Variants in CBLIF observed in about 807,000 individuals in gnomAD.
The protein encoded by CBLIF is gastric intrinsic factor (vitamin B synthesis).
In CBLIF, 24 loss-of-function variants were observed where a neutral mutation model predicts 44.9. That is an observed-to-expected ratio of 0.53 (90% confidence interval 0.39 to 0.75). The LOEUF (loss-of-function observed/expected upper bound fraction) is 0.75, where lower values mean the gene tolerates loss of function less well. CBLIF is among the 30% of genes least tolerant of loss of function. CBLIF has a pLI of 0.00. For missense variants in CBLIF, 481 were observed against 513.0 expected (o/e 0.94, Z 0.60); for synonymous variants, 183 against 190.9 (o/e 0.96, Z 0.34).
chr11:59,843,980 T>C lies in CBLIF; in HGVS notation c.155A>G (p.Tyr52Cys), dbSNP rs1343354774. The C allele has an allele frequency of 1.2e-6, 2 of 1,613,314 alleles. No individual in the cohort carries two copies. The highest frequency in any genetic ancestry group is 1.3e-5 in the African/African-American group (1 of 74,840). ...LMENSVTSSA[Y>C]PNPSILIAMN... is the part of the protein sequence containing the mutation. ...GGCAATCAGGATGCTGGGGTTTGGG[T>C]AGGCTGATGAAGTCACCGAGTTCTC... The change falls in exon 2 of 9, where the codon TAC (tyrosine) becomes TGC (cysteine). Residue 52 changes from tyrosine to cysteine, a missense_variant. By Grantham distance (194) the Tyr-to-Cys change is radical (BLOSUM62 -2). Coordinates refer to ENST00000257248, the MANE Select transcript of CBLIF (RefSeq NM_005142.3).
rs757808228 is a variant in CBLIF at position 59,844,330 on chromosome 11, G to A, written c.80-275C>T. ...TTTTTGTATTTTTAGTAGAGATGGGGTTTCACCATGTTGGCCAGGGTAGTC... is the reference window on the plus strand; with the variant it reads ...TTTTTGTATTTTTAGTAGAGATGGGATTTCACCATGTTGGCCAGGGTAGTC... On this transcript the variant is annotated intron_variant, in intron 1 of 8. Transcript: ENST00000257248. Among the ~76,000 whole-genome samples, 36 of 152,020 alleles carry A rather than the reference G, an allele frequency of 2.4e-4. 1 individual carries two copies. Among genetic ancestry groups the A allele is most frequent in the Non-Finnish European group, 4.4e-4 (30 of 67,998 alleles).
In CBLIF at chr11:59,837,365, CAG is replaced by C; in HGVS notation, c.694-16_694-15del. Reference sequence around the variant, plus strand: ...TACAGAGAGAGCCTGGGAAGGAAGACAGAAAGAGAGAGAAAGAGTAATTAGGC... The same window carrying C: ...TACAGAGAGAGCCTGGGAAGGAAGACAAAGAGAGAGAAAGAGTAATTAGGC... On this transcript the variant is annotated splice_polypyrimidine_tract_variant and intron_variant, in intron 5 of 8. Transcript: ENST00000257248. 6.2e-7 allele frequency: 1 copy of C among 1,603,652 alleles called. No individual in the cohort carries two copies. The highest frequency in any genetic ancestry group is 1.7e-5 in the Admixed American group (1 of 59,988).
intron 8 of CBLIF, 24 bp downstream of exon 8, chr11:59,831,654 C>A (rs183565729): frequency 1.0e-6 from 1 of 959,280 alleles, no homozygotes; most frequent in South Asian, 1.3e-5. Context: ...TGGAAGATAA[C>A]GCCTATGTCT....
chr11:59,836,073 C>A, intron 6 of CBLIF, 64 bp from the exon 7 acceptor site: 1 of 1,307,490 alleles, frequency 7.6e-7, no homozygotes, highest in Non-Finnish European at 1.1e-6. Context: ...GGTGCAAAAT[C>A]TCTGTTATTG....
In CBLIF at chr11:59,831,702, TA is replaced by T; in HGVS notation, c.1167del (p.Ser390ValfsTer3). 6.4e-7 allele frequency: 1 copy of T among 1,566,278 alleles called. No individual in the cohort carries two copies. The highest frequency in any genetic ancestry group is 8.8e-7 in the Non-Finnish European group (1 of 1,136,484). The stretch of plus-strand genomic sequence containing the variant: ...CCTTCATTCAAAGGTGTTACACCAC[TA>T]AGAAACTGCCAGTATGTCTTGTGAT... ...NVNHKTYWQF[L>X]SGVTPLNEGV... On this transcript the variant is annotated frameshift_variant, in exon 8 of 9. Transcript: ENST00000257248. LOFTEE classifies it high-confidence loss of function.
At chr11:59,844,391 G>A (rs187488341) in intron 1 of CBLIF, among the ~76,000 whole-genome samples, 267 of 152,150 alleles carry the variant, frequency 1.8e-3, no homozygotes, top group Middle Eastern at 3.4e-3. Flanking sequence ...ACCCTTCTTG[G>A]CCTCCCAAAG....
In CBLIF at chr11:59,835,872, C is replaced by G; in HGVS notation, c.1009G>C (p.Val337Leu). 1 of 1,614,152 alleles carries G rather than the reference C, an allele frequency of 6.2e-7. No homozygotes were observed. The change falls in exon 7 of 9, where the codon GTG (valine) becomes CTG (leucine). Residue 337 changes from valine (V) to leucine (L), a missense_variant. Physicochemically the swap from Val to Leu is conservative, Grantham distance 32. Coordinates refer to ENST00000257248, the MANE Select transcript of CBLIF (RefSeq NM_005142.3). ...ACAAGTAACACTGACCCACTTTTCA[C>G]ACTAACATTGATGGTCTCGTTGAAG... ...LLFNETINVSVKSGSVLLVVL... is the reference protein window; with the variant it reads ...LLFNETINVSLKSGSVLLVVL...
At position 59,838,518 on chromosome 11, in the gene CBLIF, C is replaced by T. The variant is rs527427130; in HGVS notation, c.694-1167G>A. On this transcript the variant is annotated intron_variant, in intron 5 of 8. Transcript: ENST00000257248. Reference sequence around the variant, plus strand: ...AGAAGAGAGAGAGAGGAGTCAGAAACGGCTGTCTCAGCTAGGGTCAGTATG... The same window carrying T: ...AGAAGAGAGAGAGAGGAGTCAGAAATGGCTGTCTCAGCTAGGGTCAGTATG... Among the ~76,000 whole-genome samples, 153 of 152,214 alleles carry T rather than the reference C, an allele frequency of 1.0e-3. 1 individual carries two copies. The highest frequency in any genetic ancestry group is 3.3e-3 in the African/African-American group (139 of 41,522).
chr11:59,834,096 G>C (rs954226559), intron 7 of CBLIF, among the ~76,000 whole-genome samples: 1 of 152,156 alleles, frequency 6.6e-6, no homozygotes, highest in African/African-American at 2.4e-5. Flanking sequence ...GCAAGTATCT[G>C]CTATCTACTG....
intron 5 of CBLIF, among the ~76,000 whole-genome samples, chr11:59,838,848 C>CTTTTTTTTT (rs1217612334): frequency 2.3e-5 from 3 of 130,540 alleles, no homozygotes; most frequent in Non-Finnish European, 1.6e-5. Flanking sequence ...TTCTTTCTTT[C>CTTTTTTTTT]TTTTTTTTTT....
intron 7 of CBLIF, among the ~76,000 whole-genome samples, chr11:59,834,260 CTTTCTTTCTT>C (rs1482536572): frequency 3.6e-5 from 4 of 111,898 alleles, no homozygotes; most frequent in Non-Finnish European, 7.5e-5. Context: ...TTCTTTCTTT[CTTTCTTTCTT>C]TCTTTCTTTC....
chr11:59,834,688 G>C (rs991983100), intron 7 of CBLIF, among the ~76,000 whole-genome samples: 1 of 151,960 alleles, frequency 6.6e-6, no homozygotes, highest in Non-Finnish European at 1.5e-5. Flanking sequence ...CACTGTGCCT[G>C]GACTATACCG....
intron 2 of CBLIF, 134 bp downstream of exon 2, chr11:59,843,745 G>T: frequency 1.4e-6 from 1 of 735,890 alleles, no homozygotes; most frequent in Non-Finnish European, 2.4e-6. Context: ...TTCCAGGTAT[G>T]TAAGGAAAGG....
chr11:59,829,585 C>T, intron 8 of CBLIF, 40 bp from the exon 9 acceptor site: 1 of 1,237,614 alleles, frequency 8.1e-7, no homozygotes, highest in South Asian at 1.2e-5. Context: ...GACTGTGGTG[C>T]ATGTAACCAC....
Position 59,829,282 on chromosome 11 carries a change from T to A in CBLIF, c.*202A>T. Reference sequence around the variant, plus strand: ...ATTGGCAGTCATTGTGTTGAGAAGATGAAAATTTTATTTTCATGAGTCATA... The same window carrying A: ...ATTGGCAGTCATTGTGTTGAGAAGAAGAAAATTTTATTTTCATGAGTCATA... On this transcript the variant is annotated 3_prime_UTR_variant, in exon 9 of 9. Transcript: ENST00000257248. The A allele has an allele frequency of 3.7e-6, 2 of 541,036 alleles. No individual in the cohort carries two copies. Among genetic ancestry groups the A allele is most frequent in the Non-Finnish European group, 6.8e-6 (2 of 294,658 alleles). 33.5% of individuals were successfully genotyped at this position (541,036 alleles called of 1,614,324 possible).
chr11:59,843,315 T>C (rs1866562797), intron 2 of CBLIF, among the ~76,000 whole-genome samples, 174 bp from the exon 3 acceptor site: 1 of 152,198 alleles, frequency 6.6e-6, no homozygotes, highest in African/African-American at 2.4e-5. Flanking sequence ...CGTAAGGGAA[T>C]ATTTAATCTA....
Position 59,837,847 on chromosome 11 carries a change from T to C in CBLIF, c.694-496A>G, listed in dbSNP as rs191040925. ...GGGCTGATGGTGGTCACCATCCCCT[T>C]GATGACAGTGATTGGTGGACACATG... On this transcript the variant is annotated intron_variant, in intron 5 of 8. Coordinates refer to ENST00000257248, the MANE Select transcript of CBLIF (RefSeq NM_005142.3). 1.4e-3 allele frequency among the ~76,000 whole-genome samples: 211 copies of C among 152,284 alleles called. 1 individual carries two copies. Among genetic ancestry groups the C allele is most frequent in the African/African-American group, 4.7e-3 (195 of 41,564 alleles).
intron 7 of CBLIF, among the ~76,000 whole-genome samples, chr11:59,832,506 G>T (rs1328372352): frequency 1.3e-5 from 2 of 151,746 alleles, no homozygotes; most frequent in Admixed American, 1.3e-4. Flanking sequence ...AGAGAAAATG[G>T]GCCAGGTGTG....
At chr11:59,834,301 TTTC>T (rs1370140339) in intron 7 of CBLIF, among the ~76,000 whole-genome samples, 26 of 96,066 alleles carry the variant, frequency 2.7e-4, no homozygotes, top group African/African-American at 7.8e-4. Flanking sequence ...TCTTTCTTTC[TTTC>T]TTTCTTTCTT....
Sources: gnomAD v4.1 joint callset for allele counts (sites outside exome capture counted in the v4.1 genomes callset) on GRCh38, gnomAD v4.1.1 for gene constraint, MANE v1.5 for transcripts, NCBI Gene and HGNC (gene_info 2026-07-23, HGNC 2026-07-21) for gene names.